Variants in LNX1 observed in about 807,000 individuals in gnomAD.
LNX1 encodes the protein ligand of numb-protein X 1.
In LNX1, 54 loss-of-function variants were observed where a neutral mutation model predicts 68.4. The observed-to-expected ratio is 0.79, with a 90% CI of 0.63 to 0.99. The LOEUF is 0.99. Ranked by LOEUF, LNX1 falls within the 50% of genes least tolerant of loss-of-function variation. The probability of loss-of-function intolerance (pLI) is 0.00; values close to 1 mark genes in which losing one functional copy is unlikely to be tolerated. For synonymous variants in LNX1, 336 were observed against 350.0 expected (o/e 0.96, Z 0.45); for missense variants, 906 against 926.4 (o/e 0.98, Z 0.29).
chr4:53,522,847 CA>C (rs1235648004), intron 2 of LNX1: 2 of 152,104 alleles, frequency 1.3e-5, no homozygotes, highest in Non-Finnish European at 2.9e-5. Flanking sequence ...CCTGTAATTC[CA>C]CCCCCAGAGA....
intron 1 of LNX1, among the ~76,000 whole-genome samples, chr4:53,582,443 A>G (rs1359956587): frequency 1.3e-5 from 2 of 152,232 alleles, no homozygotes; most frequent in Non-Finnish European, 2.9e-5. Flanking sequence ...TCATGAGTAC[A>G]TAAGCGAGCC....
intron 2 of LNX1, among the ~76,000 whole-genome samples, chr4:53,544,303 C>T (rs574994419): frequency 6.6e-6 from 1 of 152,130 alleles, no homozygotes; most frequent in South Asian, 2.1e-4. Flanking sequence ...AGGCAATATT[C>T]GTGCCTCAGC....
At chr4:53,461,203 C>T (rs556950417) in intron 10 of LNX1, among the ~76,000 whole-genome samples, 161 bp from the exon 11 acceptor site, 1 of 152,232 alleles carries the variant, frequency 6.6e-6, no homozygotes, top group South Asian at 2.1e-4. Flanking sequence ...ATTCTCCAAA[C>T]TCACTATCCA....
intron 2 of LNX1, among the ~76,000 whole-genome samples, chr4:53,559,684 G>A (rs778532000): frequency 3.3e-5 from 5 of 152,008 alleles, no homozygotes; most frequent in Non-Finnish European, 1.5e-5. Context: ...GTCTTGCTCT[G>A]TCACCCAGGC....
intron 1 of LNX1, among the ~76,000 whole-genome samples, chr4:53,644,038 C>G (rs377216570): frequency 6.6e-6 from 1 of 152,096 alleles, no homozygotes; most frequent in Admixed American, 6.6e-5. Context: ...CCCTGCTCCT[C>G]AAAAGCAAAA....
At chr4:53,469,878 C>G (rs886103380) in intron 9 of LNX1, among the ~76,000 whole-genome samples, 25 of 152,264 alleles carry the variant, frequency 1.6e-4, no homozygotes, top group South Asian at 6.2e-4. Flanking sequence ...AAGTCCAGGA[C>G]CAGATGGATT....
At chr4:53,633,134 C>A (rs1486912327) in intron 1 of LNX1, among the ~76,000 whole-genome samples, 1 of 152,276 alleles carries the variant, frequency 6.6e-6, no homozygotes, top group East Asian at 1.9e-4. Flanking sequence ...TCCTCTATTG[C>A]CCTCTCTATA....
chr4:53,560,578 A>C (rs1730214395), intron 2 of LNX1, among the ~76,000 whole-genome samples: 1 of 152,200 alleles, frequency 6.6e-6, no homozygotes, highest in Non-Finnish European at 1.5e-5. Context: ...AAGGCATCTC[A>C]GAAGGCTCTT....
At chr4:53,581,284 T>C (rs1030753047) in intron 1 of LNX1, among the ~76,000 whole-genome samples, 1 of 152,196 alleles carries the variant, frequency 6.6e-6, no homozygotes, top group African/African-American at 2.4e-5. Flanking sequence ...TTGAAAAATG[T>C]GGAAAACATG....
chr4:53,498,590 C>A (rs1457425685), intron 5 of LNX1, 51 bp downstream of exon 5: 1 of 1,400,432 alleles, frequency 7.1e-7, no homozygotes, highest in Admixed American at 1.7e-5. Flanking sequence ...TGCTCAGAAG[C>A]ATTTTTTTAT....
chr4:53,594,964 G>A (rs866860667), upstream of LNX1, among the ~76,000 whole-genome samples: 25 of 152,106 alleles, frequency 1.6e-4, no homozygotes, highest in African/African-American at 4.8e-4. Flanking sequence ...CTCCCACCTC[G>A]GCCTCCCAAA....
At chr4:53,534,150 T>C (rs1728207394) in intron 2 of LNX1, among the ~76,000 whole-genome samples, 1 of 152,198 alleles carries the variant, frequency 6.6e-6, no homozygotes, top group East Asian at 1.9e-4. Context: ...AGTTACCCCA[T>C]GGAGAAGGGG....
chr4:53,524,627 C>T (rs1727482943), intron 2 of LNX1, among the ~76,000 whole-genome samples: 1 of 152,168 alleles, frequency 6.6e-6, no homozygotes, highest in South Asian at 2.1e-4. Flanking sequence ...TTTCTAGAAC[C>T]ACTCAATATT....
At chr4:53,514,978 C>T (rs1401475914) in intron 2 of LNX1, among the ~76,000 whole-genome samples, 1 of 152,136 alleles carries the variant, frequency 6.6e-6, no homozygotes, top group Non-Finnish European at 1.5e-5. Flanking sequence ...AATACCCCAT[C>T]CAAACAACAT....
chr4:53,516,851 CAA>C, intron 2 of LNX1, among the ~76,000 whole-genome samples: 1 of 152,092 alleles, frequency 6.6e-6, no homozygotes, highest in Non-Finnish European at 1.5e-5. Flanking sequence ...AGTCTGATGC[CAA>C]GACAGGAGAG....
chr4:53,568,571 C>G (rs1730885644), intron 2 of LNX1, among the ~76,000 whole-genome samples: 1 of 151,828 alleles, frequency 6.6e-6, no homozygotes, highest in South Asian at 2.1e-4. Context: ...GAAGCATTCC[C>G]TTTGAAAACG....
At chr4:53,608,912 T>A (rs1733337586) in intron 2 of LNX1, among the ~76,000 whole-genome samples, 1 of 151,904 alleles carries the variant, frequency 6.6e-6, no homozygotes. Context: ...AAATATTGAG[T>A]ACGTGTGTAC....
At chr4:53,478,871 G>T in intron 7 of LNX1, 129 bp from the exon 8 acceptor site, 5 of 834,392 alleles carry the variant, frequency 6.0e-6, no homozygotes, top group Non-Finnish European at 7.5e-6. Context: ...ATTATGCAAA[G>T]TGCATAAATA....
chr4:53,509,702 G>A (rs1726185955), intron 2 of LNX1, among the ~76,000 whole-genome samples: 1 of 152,184 alleles, frequency 6.6e-6, no homozygotes. Flanking sequence ...TCATGAGATT[G>A]TCGCTATTTC....
Sources: allele counts gnomAD v4.1 joint callset (sites outside exome capture counted in the v4.1 genomes callset), GRCh38; gene constraint gnomAD v4.1.1; transcripts MANE v1.5; gene names NCBI Gene and HGNC (gene_info 2026-07-23, HGNC 2026-07-21).